The following GPHN variants were observed in gnomAD, a reference collection of about 807,000 sequenced individuals.
GPHN encodes the protein gephyrin.
A neutral mutation model predicts 95.5 loss-of-function variants in GPHN; 17 were observed. The observed-to-expected ratio is 0.18, with a 90% confidence interval of 0.12 to 0.27. GPHN has a LOEUF of 0.27. GPHN is among the 10% of genes least tolerant of loss of function. The pLI is 1.00. For missense variants in GPHN, 660 were observed against 978.1 expected (o/e 0.67, Z 4.34); for synonymous variants, 320 against 322.5 (o/e 0.99, Z 0.08).
chr14:66,659,477 T>G (rs1036091393), intron 1 of GPHN, among the ~76,000 whole-genome samples: 23 of 152,132 alleles, frequency 1.5e-4, no homozygotes, highest in Admixed American at 1.5e-3. Flanking sequence ...TTCTGTATCT[T>G]TGTTGATTAT....
Position 66,508,521 on chromosome 14 carries a change from G to A in GPHN, c.-7G>A. On this transcript the variant is annotated 5_prime_UTR_variant, in exon 1 of 23. Transcript: ENST00000478722. ...CTCCTGTCAGTGCGGTGACTGCGCT[G>A]GGAAACATGGCGACCGAGGGAATGA... is the stretch of plus-strand genomic sequence containing the variant. 1 of 1,613,848 alleles carries A rather than the reference G, an allele frequency of 6.2e-7. No individual in the cohort carries two copies. Among genetic ancestry groups the A allele is most frequent in the Non-Finnish European group, 8.5e-7 (1 of 1,179,732 alleles).
intron 5 of GPHN, among the ~76,000 whole-genome samples, chr14:66,893,087 A>G (rs2064611621): frequency 6.6e-6 from 1 of 152,230 alleles, no homozygotes; most frequent in Admixed American, 6.5e-5. Flanking sequence ...AACACAGGAG[A>G]GCTGACACCT....
chr14:66,827,114 T>G (rs2061413231), intron 4 of GPHN, among the ~76,000 whole-genome samples: 1 of 152,064 alleles, frequency 6.6e-6, no homozygotes, highest in African/African-American at 2.4e-5. Context: ...TGAGACCATG[T>G]CTTTACTAAA....
At chr14:67,028,642 CTATTGG>C (rs2074041323) in intron 10 of GPHN, among the ~76,000 whole-genome samples, 1 of 151,972 alleles carries the variant, frequency 6.6e-6, no homozygotes, top group Non-Finnish European at 1.5e-5. Flanking sequence ...TTTCATATAC[CTATTGG>C]CCATAGGTAT....
the GPHN span, among the ~76,000 whole-genome samples, chr14:67,299,898 T>A: frequency 2.0e-5 from 3 of 152,192 alleles, no homozygotes; most frequent in Non-Finnish European, 4.4e-5. Context: ...ATCCTCAGAG[T>A]TTCTTCAGCT....
the GPHN span, chr14:67,727,103 G>A: frequency 1.9e-5 from 31 of 1,614,082 alleles, no homozygotes; most frequent in African/African-American, 1.3e-4. Flanking sequence ...CCTCCAGAGC[G>A]AGAAGCGCTA....
At chr14:67,165,271 C>A in intron 20 of GPHN, 45 bp downstream of exon 20, 1 of 1,419,686 alleles carries the variant, frequency 7.0e-7, no homozygotes, top group Non-Finnish European at 1.0e-6. Context: ...GGAAAAATAG[C>A]CAAAATTTTT....
the GPHN span, among the ~76,000 whole-genome samples, chr14:67,506,799 C>T: frequency 3.9e-5 from 6 of 152,280 alleles, no homozygotes; most frequent in Non-Finnish European, 5.9e-5. Flanking sequence ...TCCTGGCCAA[C>T]GTGGTGAAAC....
intron 1 of GPHN, among the ~76,000 whole-genome samples, chr14:66,629,173 A>ATATT (rs57939945): frequency 0.1 from 9,369 of 90,424 alleles, 1,812 homozygotes; most frequent in African/African-American, 0.37. Context: ...ATATAAATAT[A>ATATT]TATATACATA....
At chr14:67,377,837 G>A in the GPHN span, among the ~76,000 whole-genome samples, 3 of 152,054 alleles carry the variant, frequency 2.0e-5, no homozygotes, top group African/African-American at 7.2e-5. Flanking sequence ...GCTATGTGTG[G>A]TAGCTCATGC....
intron 4 of GPHN, among the ~76,000 whole-genome samples, chr14:66,838,636 A>G (rs1269225926): frequency 6.6e-6 from 1 of 152,156 alleles, no homozygotes; most frequent in South Asian, 2.1e-4. Context: ...TATTTTGCAG[A>G]TATATTAGTA....
chr14:67,692,368 T>C, the GPHN span: 1 of 1,534,520 alleles, frequency 6.5e-7, no homozygotes, highest in East Asian at 2.3e-5. Context: ...AGAGGGACCT[T>C]TTCCTTTTAG....
At chr14:66,958,625 A>G (rs1265698389) in intron 8 of GPHN, among the ~76,000 whole-genome samples, 1 of 152,246 alleles carries the variant, frequency 6.6e-6, no homozygotes, top group Non-Finnish European at 1.5e-5. Flanking sequence ...CAACTGTAAC[A>G]TAATGGTAAG....
chr14:67,201,795 A>G, the GPHN span: 2 of 263,016 alleles, frequency 7.6e-6, no homozygotes, highest in African/African-American at 4.6e-5. Context: ...TCAATGATGT[A>G]TTTTTTAATT....
chr14:67,458,393 T>G, the GPHN span, among the ~76,000 whole-genome samples: 1 of 152,188 alleles, frequency 6.6e-6, no homozygotes, highest in Non-Finnish European at 1.5e-5. Flanking sequence ...TCCTACTACC[T>G]GCCAGACCCG....
the GPHN span, chr14:67,722,331 G>A: frequency 2.1e-6 from 1 of 475,528 alleles, no homozygotes. Context: ...GAGGATGGGG[G>A]GTTTAGGGGG....
chr14:67,352,750 T>G, the GPHN span: 1 of 543,280 alleles, frequency 1.8e-6, no homozygotes, highest in Non-Finnish European at 3.2e-6. Flanking sequence ...GATTAAAGAG[T>G]TTGGATTTTA....
the GPHN span, chr14:67,684,883 G>A: frequency 3.2e-6 from 2 of 615,944 alleles, no homozygotes; most frequent in Middle Eastern, 3.8e-4. Context: ...CTACTAAAAG[G>A]TAAAAACTCT....
At chr14:67,159,637 T>G in intron 19 of GPHN, 149 bp downstream of exon 19, 1 of 689,280 alleles carries the variant, frequency 1.5e-6, no homozygotes. Flanking sequence ...TTTGCACAAG[T>G]GCAGGTTCTA....
Sources: allele counts gnomAD v4.1 joint callset (sites outside exome capture counted in the v4.1 genomes callset), GRCh38; gene constraint gnomAD v4.1.1; transcripts MANE v1.5; gene names NCBI Gene and HGNC (gene_info 2026-07-23, HGNC 2026-07-21).